SLC4A5: variants seen among roughly 807,000 people sequenced by gnomAD.
SLC4A5 encodes the protein solute carrier family 4 member 5, also known as electrogenic sodium bicarbonate cotransporter 4.
SLC4A5 carries 96 observed loss-of-function variants against 120.4 expected under a neutral mutation model. The observed-to-expected ratio is 0.80, with a 90% confidence interval of 0.68 to 0.94. The LOEUF is 0.94. SLC4A5 is among the 40% of genes least tolerant of loss of function. The probability of loss-of-function intolerance (pLI) is 0.00; values close to 1 mark genes in which losing one functional copy is unlikely to be tolerated. For synonymous variants in SLC4A5, 550 were observed against 571.1 expected (o/e 0.96, Z 0.53); for missense variants, 1,259 against 1,459.5 (o/e 0.86, Z 2.24).
At chr2:74,222,743 A>G (rs1205222969) in intron 29 of SLC4A5, 125 bp downstream of exon 29, 6 of 839,994 alleles carry the variant, frequency 7.1e-6, no homozygotes, top group Non-Finnish European at 9.9e-6. Flanking sequence ...ATGACAAAAA[A>G]GTTGGGGACT....
chr2:74,303,935 C>T (rs1311611605), intron 7 of SLC4A5, among the ~76,000 whole-genome samples: 6 of 150,762 alleles, frequency 4.0e-5, no homozygotes, highest in Non-Finnish European at 8.9e-5. Flanking sequence ...CTGCAAGCTC[C>T]GCCTCCCGGG....
chr2:74,234,881 G>A (rs1007172873), intron 22 of SLC4A5, among the ~76,000 whole-genome samples: 2 of 152,168 alleles, frequency 1.3e-5, no homozygotes, highest in Non-Finnish European at 2.9e-5. Flanking sequence ...TCCTCACCTC[G>A]TGACTATAGA....
intron 20 of SLC4A5, among the ~76,000 whole-genome samples, chr2:74,239,980 C>G (rs896578917): frequency 6.0e-5 from 9 of 150,762 alleles, no homozygotes. Context: ...TGCCTAAAAT[C>G]CAAGGCATAC....
chr2:74,226,299 G>A (rs957059406), intron 27 of SLC4A5, among the ~76,000 whole-genome samples: 15 of 152,048 alleles, frequency 9.9e-5, no homozygotes, highest in African/African-American at 3.6e-4. Flanking sequence ...GGCATTTGCT[G>A]ACACACTCCA....
intron 21 of SLC4A5, 59 bp from the exon 22 acceptor site, chr2:74,235,273 C>T: frequency 7.6e-7 from 1 of 1,320,800 alleles, no homozygotes; most frequent in Non-Finnish European, 1.1e-6. Context: ...CAGCTCCAGG[C>T]AGCCCCAGTC....
chr2:74,312,470 T>G (rs923464157), intron 6 of SLC4A5, among the ~76,000 whole-genome samples: 7 of 152,046 alleles, frequency 4.6e-5, no homozygotes, highest in African/African-American at 1.7e-4. Flanking sequence ...CCTCAAGTGA[T>G]CTTCCAATCT....
In SLC4A5 at chr2:74,252,210, C is replaced by T. The variant is rs749227703; in HGVS notation, c.1447G>A (p.Glu483Lys). Reference sequence around the variant, plus strand: ...GTCCAGATAAGTTCCTCCCCGATTTCATGCATGGCTGGCATCTCTCCATCA... The same window carrying T: ...GTCCAGATAAGTTCCTCCCCGATTTTATGCATGGCTGGCATCTCTCCATCA... The change falls in exon 16 of 31, where the codon GAA (glutamate) becomes AAA (lysine). Residue 483 changes from glutamate to lysine, a missense_variant. By Grantham distance (56) the Glu-to-Lys change is moderately conservative (BLOSUM62 1). Transcript: ENST00000394019. The T allele has an allele frequency of 1.2e-5, 20 of 1,612,720 alleles. No individual in the cohort carries two copies. In the Admixed American group the frequency reaches 3.3e-4, roughly 27 times the overall value.
intron 5 of SLC4A5, among the ~76,000 whole-genome samples, chr2:74,325,901 GGGAAAGGAAA>G (rs547355836): frequency 2.7e-5 from 4 of 150,340 alleles, no homozygotes; most frequent in South Asian, 4.3e-4. Context: ...GGAAGGGAAG[GGGAAAGGAAA>G]GGAAAGGAAA....
chr2:74,254,649 G>T, exon 14 of SLC4A5: 1 of 1,614,006 alleles, frequency 6.2e-7, no homozygotes, highest in Non-Finnish European at 8.5e-7. Context: ...CAATGGCACG[G>T]CCAATTTCAT....
At chr2:74,276,530 CCTT>C (rs1233004500) in intron 8 of SLC4A5, among the ~76,000 whole-genome samples, 1 of 152,170 alleles carries the variant, frequency 6.6e-6, no homozygotes, top group Non-Finnish European at 1.5e-5. Flanking sequence ...GTCTCTCTCT[CCTT>C]CAAGAGGAAG....
At chr2:74,339,663 T>C (rs1264737880) in intron 2 of SLC4A5, 4 of 152,308 alleles carry the variant, frequency 2.6e-5, no homozygotes, top group East Asian at 1.9e-4. Context: ...GTATTCCCTA[T>C]TCAAGAACAA....
chr2:74,278,261 G>C (rs773285082), intron 8 of SLC4A5, among the ~76,000 whole-genome samples: 1 of 152,126 alleles, frequency 6.6e-6, no homozygotes, highest in African/African-American at 2.4e-5. Flanking sequence ...CCCTATCTGG[G>C]AAGAGCTTCC....
intron 21 of SLC4A5, among the ~76,000 whole-genome samples, chr2:74,237,491 T>A (rs1252960161): frequency 2.6e-5 from 4 of 152,210 alleles, no homozygotes; most frequent in African/African-American, 9.7e-5. Flanking sequence ...GCATTTGTGT[T>A]GTAAGCAAAC....
intron 19 of SLC4A5, 41 bp downstream of exon 19, chr2:74,246,995 G>A (rs748085129): frequency 1.2e-4 from 189 of 1,603,192 alleles, no homozygotes; most frequent in Non-Finnish European, 1.5e-4. Context: ...GGGCCGGTGG[G>A]GTAGGTGAGG....
chr2:74,307,351 CT>C, intron 6 of SLC4A5: 1 of 594,194 alleles, frequency 1.7e-6, no homozygotes. Context: ...GCTTGTAGGT[CT>C]TTTACTTCCT....
intron 7 of SLC4A5, among the ~76,000 whole-genome samples, chr2:74,300,959 T>A (rs1672461987): frequency 6.6e-6 from 1 of 152,176 alleles, no homozygotes; most frequent in Non-Finnish European, 1.5e-5. Flanking sequence ...AAGCTAAATG[T>A]GGTTCAAGGA....
At chr2:74,308,150 T>C in intron 6 of SLC4A5, 1 of 320,244 alleles carries the variant, frequency 3.1e-6, no homozygotes, top group Non-Finnish European at 6.0e-6. Flanking sequence ...CTTGGTGGCC[T>C]CCAGTTTTGG....
intron 21 of SLC4A5, among the ~76,000 whole-genome samples, chr2:74,236,753 G>A (rs185961528): frequency 6.6e-6 from 1 of 152,136 alleles, no homozygotes; most frequent in East Asian, 1.9e-4. Context: ...GACTTTTTTT[G>A]TAGGTTGAAA....
chr2:74,260,165 C>G lies in SLC4A5; in HGVS notation c.812-522G>C, dbSNP rs144708206. ...AGTGATAGCCAATTATTTGAACTGCCCAATAGTTCCTTCCTCTGTTAAGAG... is the reference window on the plus strand; with the variant it reads ...AGTGATAGCCAATTATTTGAACTGCGCAATAGTTCCTTCCTCTGTTAAGAG... On this transcript the variant is annotated intron_variant, in intron 11 of 30. Coordinates refer to ENST00000394019, the Ensembl canonical transcript of SLC4A5. Among the ~76,000 whole-genome samples the G allele has an allele frequency of 8.1e-4, 123 of 152,282 alleles. 3 individuals carry two copies. In the East Asian group the frequency reaches 0.019, roughly 23 times the overall value.
Sources: allele counts gnomAD v4.1 joint callset (sites outside exome capture counted in the v4.1 genomes callset), GRCh38; gene constraint gnomAD v4.1.1; transcripts MANE v1.5; gene names NCBI Gene and HGNC (gene_info 2026-07-23, HGNC 2026-07-21).